ARHGEF3: variants seen among roughly 807,000 people sequenced by gnomAD.
ARHGEF3 encodes the protein 59.8 kDA protein.
Under a neutral mutation model 63.2 loss-of-function variants are expected in ARHGEF3, and 28 were observed. That is an observed-to-expected ratio of 0.44 (90% CI 0.33 to 0.61). ARHGEF3 has a LOEUF of 0.61. ARHGEF3 is among the 20% of genes least tolerant of loss of function. The probability of loss-of-function intolerance (pLI) is 0.03; values close to 1 mark genes in which losing one functional copy is unlikely to be tolerated. For missense variants in ARHGEF3, 533 were observed against 659.3 expected (o/e 0.81, Z 2.10); for synonymous variants, 266 against 254.2 (o/e 1.05, Z -0.44).
rs1047674204 is a variant in ARHGEF3, at chr3:56,737,505, A to AC, written c.871-151_871-150insG. The AC allele has an allele frequency of 4.3e-5, 25 of 585,066 alleles. No homozygotes were observed. In the African/African-American group the frequency reaches 4.5e-4, roughly 10 times the overall value. 36.2% of individuals were successfully genotyped at this position (585,066 alleles called of 1,614,324 possible). A position where few individuals can be genotyped will look rare whatever the true frequency, so the allele number is the denominator to read the frequency against. Reference sequence around the variant, plus strand: ...TACTTTGGGAAAAGAGAAAAAAAAAAAACATAAATACTTTTAGCATACTGC... The same window carrying AC: ...TACTTTGGGAAAAGAGAAAAAAAAAACAACATAAATACTTTTAGCATACTGC... On this transcript the variant is annotated intron_variant, in intron 7 of 9. Coordinates refer to ENST00000296315, the MANE Select transcript of ARHGEF3 (RefSeq NM_019555.3).
intron 2 of ARHGEF3, among the ~76,000 whole-genome samples, chr3:56,984,634 C>G (rs1701464463): frequency 6.6e-6 from 1 of 152,112 alleles, no homozygotes; most frequent in East Asian, 1.9e-4. Flanking sequence ...TAAAAAATCA[C>G]TTTGTGCATT....
At chr3:56,999,119 G>A (rs1030549559) in intron 2 of ARHGEF3, among the ~76,000 whole-genome samples, 4 of 151,482 alleles carry the variant, frequency 2.6e-5, no homozygotes, top group African/African-American at 7.3e-5. Flanking sequence ...GTGTGATCTC[G>A]GCTCACTGCA....
chr3:56,951,303 A>G (rs1231047644), intron 3 of ARHGEF3, among the ~76,000 whole-genome samples: 2 of 151,972 alleles, frequency 1.3e-5, no homozygotes, highest in African/African-American at 4.8e-5. Flanking sequence ...AAAGAAAAAA[A>G]AGAAAGAAAT....
In ARHGEF3 at chr3:56,878,730, G is replaced by A. The variant is rs928484650; in HGVS notation, c.192+3562C>T. Among the ~76,000 whole-genome samples, 6 of 152,142 alleles carry A rather than the reference G, an allele frequency of 3.9e-5. No individual in the cohort carries two copies. The South Asian group carries it at 8.3e-4, about 21-fold the overall frequency. On this transcript the variant is annotated intron_variant, in intron 4 of 12. Coordinates refer to the ARHGEF3 transcript ENST00000338458. ...AAGTGATGCATCCCCCCAAACAATC[G>A]AGGATCCCTGTTCTGTAAGAATAAC...
chr3:56,770,411 AAAATTAAATTAAATT>A (rs532232575), intron 2 of ARHGEF3, among the ~76,000 whole-genome samples: 8 of 147,688 alleles, frequency 5.4e-5, no homozygotes, highest in East Asian at 2.0e-4. Flanking sequence ...CTCTGTCTCG[AAAATTAAATTAAATT>A]AAATTAAATT....
chr3:56,793,352 G>A (rs1311485312), intron 1 of ARHGEF3, among the ~76,000 whole-genome samples: 1 of 152,140 alleles, frequency 6.6e-6, no homozygotes, highest in Non-Finnish European at 1.5e-5. Context: ...TGTATTTTTA[G>A]TAGAAACGGG....
At chr3:56,971,794 C>T (rs1182474825) in intron 2 of ARHGEF3, among the ~76,000 whole-genome samples, 1 of 151,960 alleles carries the variant, frequency 6.6e-6, no homozygotes. Context: ...GTGGAGCTTG[C>T]AGTGAGCTGA....
At chr3:56,987,721 C>A (rs1271781464) in intron 2 of ARHGEF3, among the ~76,000 whole-genome samples, 1 of 152,178 alleles carries the variant, frequency 6.6e-6, no homozygotes, top group South Asian at 2.1e-4. Context: ...TAACCTCACT[C>A]CCCCTACCGT....
intron 1 of ARHGEF3, among the ~76,000 whole-genome samples, chr3:57,051,170 G>A (rs1233345566): frequency 6.6e-6 from 1 of 152,164 alleles, no homozygotes; most frequent in East Asian, 1.9e-4. Flanking sequence ...CATACTATGA[G>A]TAATCTCCTA....
chr3:57,014,549 A>C (rs1035826969), intron 2 of ARHGEF3, among the ~76,000 whole-genome samples: 1 of 152,260 alleles, frequency 6.6e-6, no homozygotes, highest in African/African-American at 2.4e-5. Context: ...GATTAACAGT[A>C]TTTAATGATC....
intron 4 of ARHGEF3, among the ~76,000 whole-genome samples, chr3:56,880,469 G>A (rs1276548601): frequency 1.6e-5 from 1 of 63,030 alleles, no homozygotes; most frequent in Non-Finnish European, 4.6e-5. Context: ...AATGTTAGTG[G>A]TTCTTCGATA....
At chr3:57,074,535 T>C (rs1560181232) in intron 1 of ARHGEF3, 1 of 467,900 alleles carries the variant, frequency 2.1e-6, no homozygotes, top group Non-Finnish European at 4.0e-6. Flanking sequence ...CCGGGGAACC[T>C]TCACTGTATT....
chr3:56,889,602 G>A (rs1017049620), intron 3 of ARHGEF3, among the ~76,000 whole-genome samples: 5 of 152,164 alleles, frequency 3.3e-5, no homozygotes, highest in Admixed American at 1.3e-4. Context: ...ACTTGCTCAA[G>A]GTCACAAAGT....
intron 3 of ARHGEF3, chr3:56,958,756 C>G: frequency 9.5e-6 from 14 of 1,479,488 alleles, no homozygotes; most frequent in Non-Finnish European, 1.3e-5. Flanking sequence ...AGCGTCCGTT[C>G]TGGAGGCCAG....
chr3:57,053,896 A>C (rs1316775370), intron 1 of ARHGEF3, among the ~76,000 whole-genome samples: 1 of 152,194 alleles, frequency 6.6e-6, no homozygotes, highest in East Asian at 1.9e-4. Flanking sequence ...TTACTTATAT[A>C]TATGGCTGCT....
chr3:57,023,083 C>T (rs781491132), intron 2 of ARHGEF3, among the ~76,000 whole-genome samples: 4 of 152,220 alleles, frequency 2.6e-5, no homozygotes, highest in Non-Finnish European at 5.9e-5. Flanking sequence ...ACACCACCAG[C>T]TAATGCCACT....
In ARHGEF3 at chr3:56,729,423, C is replaced by G. The variant is rs2032951285; in HGVS notation, c.1428G>C (p.Glu476Asp). Reference sequence around the variant, plus strand: ...GCTCAAGTTTTGTTTCTCCCTGTAGCTCTCTGCTCCCGGTGGTGGGATTTA... The same window carrying G: ...GCTCAAGTTTTGTTTCTCCCTGTAGGTCTCTGCTCCCGGTGGTGGGATTTA... ...SFLNPTTGSR[E>D]LQGETKLEQM... Residue 476 changes from glutamate (E) to aspartate (D), a missense_variant, in exon 10 of 10, where the codon GAG (glutamate) becomes GAC (aspartate). Physicochemically the swap from Glu to Asp is conservative, Grantham distance 45. This residue lies in a region of ARHGEF3 where 115 missense variants were observed against 103.4 expected (regional missense o/e 1.11). Transcript: ENST00000296315. 1 of 1,614,186 alleles carries G rather than the reference C, an allele frequency of 6.2e-7. No homozygotes were observed. Among genetic ancestry groups the G allele is most frequent in the Non-Finnish European group, 8.5e-7 (1 of 1,180,040 alleles).
At chr3:56,823,082 T>C (rs1368257519) in intron 4 of ARHGEF3, among the ~76,000 whole-genome samples, 1 of 152,174 alleles carries the variant, frequency 6.6e-6, no homozygotes, top group Non-Finnish European at 1.5e-5. Context: ...AGAAGAAATA[T>C]TCCACTTTTC....
intron 4 of ARHGEF3, among the ~76,000 whole-genome samples, chr3:56,832,201 G>T (rs978346796): frequency 6.6e-6 from 1 of 152,194 alleles, no homozygotes; most frequent in Non-Finnish European, 1.5e-5. Context: ...TTTTGTATTT[G>T]CTGTGATTTA....
Sources: gnomAD v4.1 joint callset for allele counts (sites outside exome capture counted in the v4.1 genomes callset) on GRCh38, gnomAD v4.1.1 for gene constraint, gnomAD v4.1.1 regional missense constraint, MANE v1.5 for transcripts, NCBI Gene and HGNC (gene_info 2026-07-23, HGNC 2026-07-21) for gene names.